Variants in KIAA1217 observed in about 807,000 individuals in gnomAD.
KIAA1217 encodes sickle tail protein homolog.
KIAA1217 carries 88 observed loss-of-function variants against 163.9 expected under a neutral mutation model. The observed-to-expected ratio is 0.54, with a 90% CI of 0.45 to 0.64. KIAA1217 has a LOEUF of 0.64. Among genes scored for constraint, KIAA1217 ranks in the 30% least tolerant of loss-of-function variants. KIAA1217 has a pLI of 0.00. For synonymous variants in KIAA1217, 903 were observed against 923.1 expected (o/e 0.98, Z 0.39); for missense variants, 2,372 against 2,475.0 (o/e 0.96, Z 0.88).
At chr10:24,317,953 G>C in intron 2 of KIAA1217, among the ~76,000 whole-genome samples, 1 of 152,000 alleles carries the variant, frequency 6.6e-6, no homozygotes, top group Non-Finnish European at 1.5e-5. Context: ...TAGATATTTG[G>C]TCAAACCCCT....
At chr10:24,460,468 T>C (rs1268440329) in intron 5 of KIAA1217, among the ~76,000 whole-genome samples, 1 of 152,132 alleles carries the variant, frequency 6.6e-6, no homozygotes, top group East Asian at 1.9e-4. Flanking sequence ...CCCATCATTG[T>C]TTTTTTCATG....
Position 24,381,009 on chromosome 10 carries a change from G to T in KIAA1217, c.495G>T (p.Arg165=), listed in dbSNP as rs774280791. 11 of 1,608,614 alleles carry T rather than the reference G, an allele frequency of 6.8e-6. No homozygotes were observed. In the African/African-American group the frequency reaches 9.4e-5, roughly 14 times the overall value. The part of the protein sequence containing the change: ...DAPTPFSRGS[R]TRASLPVVRS... ...CAACCCCTTTTTCCAGAGGCAGCCG[G>T]ACTCGTGCGAGCCTTCCTGTGGTGA... The change falls in exon 3 of 21, where the codon CGG becomes CGT. Residue 165 remains arginine, a synonymous_variant. Coordinates refer to ENST00000376454, the MANE Select transcript of KIAA1217 (RefSeq NM_019590.5).
chr10:23,744,642 G>C (rs554239227), intron 1 of KIAA1217, among the ~76,000 whole-genome samples: 2 of 152,278 alleles, frequency 1.3e-5, no homozygotes, highest in East Asian at 3.9e-4. Flanking sequence ...GCTGGGACTG[G>C]GTAATTTTCC....
Position 24,544,194 on chromosome 10 carries a change from G to C in KIAA1217, c.4924G>C (p.Glu1642Gln). Reference sequence around the variant, plus strand: ...CCCTGAAAACACAGTGAGGAGGCAAGAGCAGCCCAGCATCGAGAGTACATC... The same window carrying C: ...CCCTGAAAACACAGTGAGGAGGCAACAGCAGCCCAGCATCGAGAGTACATC... ...DTPENTVRRQ[E>Q]QPSIESTSPI... Residue 1642 changes from glutamate to glutamine, a missense_variant, in exon 19 of 21, where the codon GAG becomes CAG. Glu to Gln is a conservative substitution (Grantham distance 29). This residue lies in a region of KIAA1217 where 690 missense variants were observed against 677.5 expected (regional missense o/e 1.02). Coordinates refer to ENST00000376454, the MANE Select transcript of KIAA1217 (RefSeq NM_019590.5). 6.2e-7 allele frequency: 1 copy of C among 1,614,076 alleles called. No homozygotes were observed. Among genetic ancestry groups the C allele is most frequent in the Non-Finnish European group, 8.5e-7 (1 of 1,180,012 alleles).
chr10:24,101,998 A>G lies in KIAA1217; in HGVS notation c.-171+94624A>G, dbSNP rs528177637. 1.3e-3 allele frequency among the ~76,000 whole-genome samples: 202 copies of G among 152,320 alleles called. 1 individual carries two copies. The highest frequency in any genetic ancestry group is 4.6e-3 in the African/African-American group (193 of 41,576). On this transcript the variant is annotated intron_variant, in intron 2 of 18. Coordinates refer to the KIAA1217 transcript ENST00000376462. ...TGCACAATTCTGTGACTATACCAAA[A>G]GCCACTAAACTGTACATTTTTAGAG...
intron 1 of KIAA1217, among the ~76,000 whole-genome samples, chr10:23,918,175 G>C (rs1482738838): frequency 7.6e-6 from 1 of 131,818 alleles, no homozygotes; most frequent in East Asian, 2.3e-4. Flanking sequence ...TTTTTTTAAA[G>C]AGATAGGGTC....
At chr10:23,761,343 T>C (rs1588741283) in intron 1 of KIAA1217, among the ~76,000 whole-genome samples, 1 of 152,226 alleles carries the variant, frequency 6.6e-6, no homozygotes, top group Non-Finnish European at 1.5e-5. Context: ...TTAAGTGTGA[T>C]GTTAGGGTGT....
intron 2 of KIAA1217, among the ~76,000 whole-genome samples, chr10:24,304,059 T>C (rs1348353169): frequency 1.3e-5 from 2 of 151,856 alleles, no homozygotes; most frequent in Admixed American, 6.6e-5. Flanking sequence ...CATTCTCTGA[T>C]TTCCACGCCT....
Position 23,860,502 on chromosome 10 carries a change from A to G in KIAA1217, c.-320-146723A>G, listed in dbSNP as rs374827747. Reference sequence around the variant, plus strand: ...TTATACATTGTAATGAAATGTTTACATGTCAGAACATATATTTTAAAATAA... The same window carrying G: ...TTATACATTGTAATGAAATGTTTACGTGTCAGAACATATATTTTAAAATAA... On this transcript the variant is annotated intron_variant, in intron 1 of 18. Transcript: ENST00000376462. Among the ~76,000 whole-genome samples the G allele has an allele frequency of 2.0e-5, 3 of 152,352 alleles. No homozygotes were observed. In the South Asian group the frequency reaches 6.2e-4, roughly 32 times the overall value.
At chr10:24,113,141 G>C (rs536848940) in intron 2 of KIAA1217, among the ~76,000 whole-genome samples, 1 of 152,162 alleles carries the variant, frequency 6.6e-6, no homozygotes, top group South Asian at 2.1e-4. Context: ...CAGTAGCCAG[G>C]GATAACCCCT....
intron 2 of KIAA1217, among the ~76,000 whole-genome samples, chr10:24,270,747 A>G (rs746617328): frequency 3.9e-5 from 6 of 151,956 alleles, no homozygotes; most frequent in African/African-American, 1.2e-4. Flanking sequence ...GGGTTTCACC[A>G]TGTTACCCAG....
intron 1 of KIAA1217, among the ~76,000 whole-genome samples, chr10:23,841,546 A>C (rs966761936): frequency 4.9e-4 from 75 of 152,250 alleles, no homozygotes; most frequent in African/African-American, 1.7e-3. Flanking sequence ...ATTCATGGTG[A>C]AGGCAGATCT....
At chr10:24,269,288 C>G (rs533951152) in intron 2 of KIAA1217, among the ~76,000 whole-genome samples, 12 of 150,790 alleles carry the variant, frequency 8.0e-5, no homozygotes, top group Admixed American at 7.9e-4. Flanking sequence ...TTTGGGAGAC[C>G]GAGGTGAGAA....
chr10:23,741,760 C>G (rs968349572), intron 1 of KIAA1217, among the ~76,000 whole-genome samples: 7 of 152,112 alleles, frequency 4.6e-5, no homozygotes, highest in African/African-American at 1.7e-4. Context: ...CAAACAAATC[C>G]ACATGTAATC....
At chr10:23,759,586 A>G (rs866261167) in intron 1 of KIAA1217, among the ~76,000 whole-genome samples, 2 of 152,158 alleles carry the variant, frequency 1.3e-5, no homozygotes, top group Non-Finnish European at 2.9e-5. Flanking sequence ...ATTAGTATTT[A>G]ATTTTGAGTG....
chr10:23,781,072 A>T (rs1381134688), intron 1 of KIAA1217, among the ~76,000 whole-genome samples: 1 of 152,096 alleles, frequency 6.6e-6, no homozygotes, highest in African/African-American at 2.4e-5. Flanking sequence ...TGAACATGGG[A>T]GTGCAGATAT....
intron 1 of KIAA1217, among the ~76,000 whole-genome samples, chr10:23,715,527 A>G (rs1837512852): frequency 6.6e-6 from 1 of 152,184 alleles, no homozygotes; most frequent in South Asian, 2.1e-4. Flanking sequence ...CCTCATGGTA[A>G]AAGTTGTATC....
At chr10:23,717,764 CT>C (rs1445393134) in intron 1 of KIAA1217, among the ~76,000 whole-genome samples, 2 of 152,120 alleles carry the variant, frequency 1.3e-5, no homozygotes, top group East Asian at 3.8e-4. Context: ...CAACATGAGC[CT>C]CAGACTTGAA....
chr10:23,917,307 A>G (rs950787334), intron 1 of KIAA1217, among the ~76,000 whole-genome samples: 1 of 152,166 alleles, frequency 6.6e-6, no homozygotes, highest in African/African-American at 2.4e-5. Context: ...CCTCACTCAG[A>G]AGGAACCACT....
Sources: gnomAD v4.1 joint callset for allele counts (sites outside exome capture counted in the v4.1 genomes callset) on GRCh38, gnomAD v4.1.1 for gene constraint, gnomAD v4.1.1 regional missense constraint, MANE v1.5 for transcripts, NCBI Gene and HGNC (gene_info 2026-07-23, HGNC 2026-07-21) for gene names.